The following ACVR1 variants were observed in gnomAD, a reference collection of about 807,000 sequenced individuals.
The protein encoded by ACVR1 is activin receptor type-1.
A neutral mutation model predicts 57.1 loss-of-function variants in ACVR1; 38 were observed. That is an observed-to-expected ratio of 0.67 (90% CI 0.51 to 0.87). The LOEUF is 0.87. ACVR1 is among the 40% of genes least tolerant of loss of function. The pLI is 0.00. For synonymous variants in ACVR1, 212 were observed against 228.1 expected, an observed-to-expected ratio of 0.93 and a Z score of 0.63; for missense variants, 463 against 638.2, an observed-to-expected ratio of 0.73 and a Z score of 2.96.
chr2:157,815,126 T>C (rs1687886928), intron 2 of ACVR1, among the ~76,000 whole-genome samples: 1 of 152,136 alleles, frequency 6.6e-6, no homozygotes, highest in Non-Finnish European at 1.5e-5. Context: ...AGCGCTACTA[T>C]GGAAGAACTT....
intron 1 of ACVR1, chr2:157,826,619 A>G (rs1157589835): frequency 6.7e-6 from 1 of 149,172 alleles, no homozygotes; most frequent in East Asian, 2.0e-4. Flanking sequence ...ACAGCACTGC[A>G]TTACAGACTG....
chr2:157,873,847 C>A (rs188048707), intron 1 of ACVR1, among the ~76,000 whole-genome samples: 2 of 152,344 alleles, frequency 1.3e-5, no homozygotes, highest in East Asian at 3.9e-4. Flanking sequence ...CGTTACAAAT[C>A]TATTAATCAA....
intron 9 of ACVR1, among the ~76,000 whole-genome samples, chr2:157,740,147 T>C (rs1343780001): frequency 6.6e-6 from 1 of 151,184 alleles, no homozygotes; most frequent in African/African-American, 2.4e-5. Context: ...ATCAGACCAC[T>C]GCACTCCAGC....
At chr2:157,863,981 TC>T (rs1160119566) in intron 1 of ACVR1, among the ~76,000 whole-genome samples, 2 of 148,782 alleles carry the variant, frequency 1.3e-5, no homozygotes, top group Non-Finnish European at 3.0e-5. Flanking sequence ...TGCCTCAGCC[TC>T]CCGAGTAGCT....
At chr2:157,852,909 A>C (rs992927707) in intron 1 of ACVR1, among the ~76,000 whole-genome samples, 10 of 152,166 alleles carry the variant, frequency 6.6e-5, no homozygotes, top group African/African-American at 2.4e-4. Context: ...AAAAGACCCA[A>C]AGCCTCTATA....
intron 1 of ACVR1, among the ~76,000 whole-genome samples, chr2:157,867,183 CAT>C (rs778947344): frequency 1.3e-5 from 2 of 152,200 alleles, no homozygotes; most frequent in Non-Finnish European, 2.9e-5. Flanking sequence ...CCAAAAGTCA[CAT>C]ATGTTTGCCC....
intron 1 of ACVR1, among the ~76,000 whole-genome samples, chr2:157,827,798 C>T (rs991246066): frequency 1.3e-5 from 2 of 152,092 alleles, no homozygotes; most frequent in African/African-American, 4.8e-5. Context: ...AACACTGAAC[C>T]GATGAGCTAG....
chr2:157,862,422 TACACACACACACACACAC>T (rs68077740), intron 1 of ACVR1, among the ~76,000 whole-genome samples: 1 of 143,654 alleles, frequency 7.0e-6, no homozygotes, highest in Non-Finnish European at 1.5e-5. Flanking sequence ...CATATACACA[TACACACACACACACACAC>T]ACACACACAC....
chr2:157,843,173 T>C (rs1689030034), intron 1 of ACVR1, among the ~76,000 whole-genome samples: 1 of 152,228 alleles, frequency 6.6e-6, no homozygotes, highest in Admixed American at 6.5e-5. Context: ...TTTATTCATG[T>C]CATTTGTCTA....
intron 1 of ACVR1, among the ~76,000 whole-genome samples, chr2:157,866,961 C>T (rs1476806233): frequency 6.6e-6 from 1 of 152,148 alleles, no homozygotes; most frequent in African/African-American, 2.4e-5. Context: ...AGTACAAATC[C>T]AATAGCCAAT....
At chr2:157,787,708 C>T (rs1559056866) in intron 3 of ACVR1, among the ~76,000 whole-genome samples, 1 of 152,162 alleles carries the variant, frequency 6.6e-6, no homozygotes, top group Non-Finnish European at 1.5e-5. Context: ...TCCCCCACCT[C>T]CTCGGGCTAA....
At chr2:157,816,629 G>T (rs191041940) in intron 2 of ACVR1, among the ~76,000 whole-genome samples, 1 of 151,756 alleles carries the variant, frequency 6.6e-6, no homozygotes, top group East Asian at 1.9e-4. Flanking sequence ...TAATAATAAG[G>T]CTGTTTTATA....
At chr2:157,746,552 T>C (rs1487015777) in intron 9 of ACVR1, among the ~76,000 whole-genome samples, 1 of 152,224 alleles carries the variant, frequency 6.6e-6, no homozygotes, top group Non-Finnish European at 1.5e-5. Flanking sequence ...TCCAACCAAA[T>C]TGGTGTTTGT....
chr2:157,740,228 T>C (rs1457801250), intron 9 of ACVR1, among the ~76,000 whole-genome samples: 2 of 151,996 alleles, frequency 1.3e-5, no homozygotes, highest in African/African-American at 4.8e-5. Flanking sequence ...CTTACCCACA[T>C]TGTGTAACTG....
chr2:157,812,148 A>G (rs1038572041), intron 2 of ACVR1, among the ~76,000 whole-genome samples: 26 of 152,372 alleles, frequency 1.7e-4, no homozygotes, highest in African/African-American at 6.3e-4. Context: ...GGACCCACTC[A>G]GTAGCAGTGA....
chr2:157,810,640 C>T (rs147898600), intron 2 of ACVR1, among the ~76,000 whole-genome samples: 219 of 152,300 alleles, frequency 1.4e-3, no homozygotes, highest in African/African-American at 5.1e-3. Context: ...ACATGTGTAG[C>T]CAAACTACTC....
chr2:157,782,715 G>A (rs991178506), intron 3 of ACVR1, among the ~76,000 whole-genome samples: 1 of 152,166 alleles, frequency 6.6e-6, no homozygotes, highest in African/African-American at 2.4e-5. Context: ...GGAGTGAGGG[G>A]GAGAGTTCAT....
intron 1 of ACVR1, among the ~76,000 whole-genome samples, chr2:157,829,729 C>T (rs555557160): frequency 6.6e-6 from 1 of 152,316 alleles, no homozygotes; most frequent in East Asian, 1.9e-4. Context: ...GCATCACCTC[C>T]CAAAGCCCCC....
intron 9 of ACVR1, among the ~76,000 whole-genome samples, chr2:157,752,182 G>A (rs966312609): frequency 6.6e-6 from 1 of 152,180 alleles, no homozygotes; most frequent in Non-Finnish European, 1.5e-5. Context: ...CCCTGTGTGG[G>A]TGGCTAGATC....
Sources: allele counts gnomAD v4.1 joint callset (sites outside exome capture counted in the v4.1 genomes callset), GRCh38; gene constraint gnomAD v4.1.1; transcripts MANE v1.5; gene names NCBI Gene and HGNC (gene_info 2026-07-23, HGNC 2026-07-21).